The following ZNF407 variants were observed in gnomAD, a reference collection of about 807,000 sequenced individuals.
ZNF407 encodes the protein zinc finger protein 407.
ZNF407 carries 17 observed loss-of-function variants against 131.2 expected under a neutral mutation model. That is an observed-to-expected ratio of 0.13 (90% confidence interval 0.09 to 0.19). ZNF407 has a LOEUF of 0.19. Among genes scored for constraint, ZNF407 ranks in the 10% least tolerant of loss-of-function variants. The pLI is 1.00. For missense variants in ZNF407, 2,681 were observed against 2,830.6 expected, an observed-to-expected ratio of 0.95 and a Z score of 1.20; for synonymous variants, 1,156 against 1,062.0, an observed-to-expected ratio of 1.09 and a Z score of -1.72.
intron 8 of ZNF407, among the ~76,000 whole-genome samples, chr18:74,922,646 C>G (rs1247867733): frequency 2.6e-5 from 4 of 152,180 alleles, no homozygotes; most frequent in African/African-American, 7.2e-5. Context: ...CCCTTGGTAT[C>G]TCTACATTGG....
intron 8 of ZNF407, among the ~76,000 whole-genome samples, chr18:74,967,052 G>A (rs879630444): frequency 2.0e-5 from 3 of 152,194 alleles, no homozygotes; most frequent in Non-Finnish European, 4.4e-5. Context: ...CTTGAGCCCA[G>A]GAGTTTGAGA....
At chr18:74,848,775 A>G (rs1038621453) in intron 4 of ZNF407, among the ~76,000 whole-genome samples, 2 of 152,116 alleles carry the variant, frequency 1.3e-5, no homozygotes, top group Admixed American at 6.5e-5. Flanking sequence ...CCCCGTTTCC[A>G]CAGTATAAAG....
intron 3 of ZNF407, among the ~76,000 whole-genome samples, chr18:74,761,911 T>A (rs548582340): frequency 3.7e-4 from 57 of 152,280 alleles, no homozygotes; most frequent in African/African-American, 9.9e-4. Context: ...ACTTTTGTCA[T>A]GTGTAGCTTC....
At chr18:75,042,225 G>A (rs890337169) in intron 8 of ZNF407, among the ~76,000 whole-genome samples, 2 of 151,974 alleles carry the variant, frequency 1.3e-5, no homozygotes, top group Non-Finnish European at 2.9e-5. Flanking sequence ...TGTAACAACA[G>A]TAAAAGTAAA....
intron 3 of ZNF407, among the ~76,000 whole-genome samples, chr18:74,670,504 G>A (rs1223072421): frequency 1.3e-5 from 2 of 152,174 alleles, no homozygotes; most frequent in African/African-American, 4.8e-5. Flanking sequence ...TTTAAGACTA[G>A]TGAATACATG....
chr18:74,655,149 A>G (rs543241906), intron 3 of ZNF407, among the ~76,000 whole-genome samples: 95 of 152,158 alleles, frequency 6.2e-4, no homozygotes, highest in African/African-American at 2.3e-3. Flanking sequence ...CATTATTATA[A>G]GAATCCTTAA....
At chr18:74,648,774 A>G (rs1985090423) in intron 3 of ZNF407, among the ~76,000 whole-genome samples, 1 of 152,218 alleles carries the variant, frequency 6.6e-6, no homozygotes, top group African/African-American at 2.4e-5. Context: ...AACTAATACC[A>G]TGGTACCAGA....
In ZNF407 at chr18:74,635,119, A is replaced by T. The variant is rs1275701339; in HGVS notation, c.4100A>T (p.Glu1367Val). The part of the protein sequence containing the change: ...DSSIIRIKNP[E>V]DGELIDQSEE... ...TCCATAATAAGAATAAAGAACCCTG[A>T]AGATGGTGAGTTGATAGACCAGTCT... is the stretch of plus-strand genomic sequence containing the variant. Residue 1367 changes from glutamate to valine, a missense_variant, in exon 2 of 9, where the codon GAA (glutamate) becomes GTA (valine). Physicochemically the swap from Glu to Val is moderately radical, Grantham distance 121. Transcript: ENST00000299687. The surrounding 1 kb of genome is among the most constrained non-coding windows in gnomAD (Gnocchi z 4.7). The T allele has an allele frequency of 6.2e-7, 1 of 1,614,016 alleles. No individual in the cohort carries two copies. The highest frequency in any genetic ancestry group is 8.5e-7 in the Non-Finnish European group (1 of 1,179,890).
At chr18:74,754,457 A>G (rs1185320395) in intron 3 of ZNF407, among the ~76,000 whole-genome samples, 1 of 152,102 alleles carries the variant, frequency 6.6e-6, no homozygotes, top group African/African-American at 2.4e-5. Context: ...TCAATTTTAG[A>G]TCTTTCCTGC....
chr18:75,025,797 C>A (rs904678355), intron 8 of ZNF407, among the ~76,000 whole-genome samples: 16 of 152,240 alleles, frequency 1.1e-4, no homozygotes, highest in African/African-American at 2.9e-4. Context: ...ACCCTTTGAA[C>A]GTAGTAATTA....
At chr18:74,780,894 G>C (rs1969586606) in intron 3 of ZNF407, among the ~76,000 whole-genome samples, 1 of 151,956 alleles carries the variant, frequency 6.6e-6, no homozygotes, top group African/African-American at 2.4e-5. Flanking sequence ...TTTTGTTATT[G>C]ATATCTAGGT....
intron 4 of ZNF407, among the ~76,000 whole-genome samples, chr18:74,856,912 G>A (rs1183623559): frequency 6.6e-6 from 1 of 152,152 alleles, no homozygotes; most frequent in Non-Finnish European, 1.5e-5. Flanking sequence ...ACAAGACACT[G>A]GAACTGCTAT....
chr18:74,690,995 AAGGCCGAGCGC>A (rs1358819333), intron 3 of ZNF407, among the ~76,000 whole-genome samples: 1 of 152,174 alleles, frequency 6.6e-6, no homozygotes, highest in Non-Finnish European at 1.5e-5. Flanking sequence ...GAAATTAGGA[AAGGCCGAGCGC>A]AGTGGCTCAC....
At chr18:74,991,465 T>C (rs1337751141) in intron 8 of ZNF407, among the ~76,000 whole-genome samples, 2 of 152,182 alleles carry the variant, frequency 1.3e-5, no homozygotes, top group East Asian at 1.9e-4. Context: ...CTAAGATGAG[T>C]CATCTCTTTT....
intron 3 of ZNF407, among the ~76,000 whole-genome samples, chr18:74,702,736 T>C: frequency 6.6e-6 from 1 of 152,196 alleles, no homozygotes; most frequent in Non-Finnish European, 1.5e-5. Flanking sequence ...TAAACATTGA[T>C]ATGCATACGT....
intron 4 of ZNF407, among the ~76,000 whole-genome samples, chr18:74,845,403 C>G (rs143951735): frequency 1.6e-3 from 245 of 152,314 alleles, no homozygotes; most frequent in Middle Eastern, 0.014. Flanking sequence ...CATTATGAAA[C>G]ATGATTTTCA....
intron 8 of ZNF407, among the ~76,000 whole-genome samples, chr18:74,982,813 T>C (rs1197159085): frequency 6.6e-6 from 1 of 152,250 alleles, no homozygotes; most frequent in Non-Finnish European, 1.5e-5. Flanking sequence ...AAGAAACTTT[T>C]ATCACTGATA....
chr18:74,700,551 C>T (rs751640585), intron 3 of ZNF407, among the ~76,000 whole-genome samples: 1 of 152,122 alleles, frequency 6.6e-6, no homozygotes, highest in Non-Finnish European at 1.5e-5. Flanking sequence ...GTTCTCTCTC[C>T]CTTGATCCCC....
chr18:74,783,255 G>A (rs1969642165), intron 4 of ZNF407, among the ~76,000 whole-genome samples: 1 of 152,084 alleles, frequency 6.6e-6, no homozygotes, highest in African/African-American at 2.4e-5. Flanking sequence ...TGATGGAACT[G>A]TTACTTTTCT....
Sources: allele counts gnomAD v4.1 joint callset (sites outside exome capture counted in the v4.1 genomes callset), GRCh38; gene constraint gnomAD v4.1.1; non-coding constraint Gnocchi (gnomAD v3.1); transcripts MANE v1.5; gene names NCBI Gene and HGNC (gene_info 2026-07-23, HGNC 2026-07-21).